ITPR2: variants seen among roughly 807,000 people sequenced by gnomAD.
The protein encoded by ITPR2 is inositol 1,4,5-trisphosphate-gated calcium channel ITPR2.
ITPR2 carries 207 observed loss-of-function variants against 317.1 expected under a neutral mutation model. The observed-to-expected ratio is 0.65, with a 90% confidence interval of 0.58 to 0.73. The LOEUF (loss-of-function observed/expected upper bound fraction) is 0.73, where lower values mean the gene tolerates loss of function less well. Among genes scored for constraint, ITPR2 ranks in the 30% least tolerant of loss-of-function variants. The pLI, the probability that ITPR2 is intolerant of heterozygous loss-of-function variation, is 0.00. For synonymous variants in ITPR2, 1,156 were observed against 1,149.1 expected (o/e 1.01, Z -0.12); for missense variants, 2,613 against 3,284.0 (o/e 0.80, Z 4.99).
chr12:26,559,574 C>G (rs932461167), intron 35 of ITPR2, among the ~76,000 whole-genome samples: 1 of 151,660 alleles, frequency 6.6e-6, no homozygotes, highest in Non-Finnish European at 1.5e-5. Context: ...AATACTATCC[C>G]CTTGGGGGTT....
At chr12:26,638,481 C>T (rs555116592) in intron 21 of ITPR2, among the ~76,000 whole-genome samples, 326 of 152,242 alleles carry the variant, frequency 2.1e-3, no homozygotes, top group Non-Finnish European at 3.8e-3. Flanking sequence ...CAAATTTCTC[C>T]CCAGCCCCAC....
At chr12:26,520,627 C>G (rs1943637800) in intron 37 of ITPR2, among the ~76,000 whole-genome samples, 1 of 152,174 alleles carries the variant, frequency 6.6e-6, no homozygotes, top group African/African-American at 2.4e-5. Context: ...GGGGTGAGAT[C>G]TGCTTCATGA....
chr12:26,369,495 A>G lies in ITPR2; in HGVS notation c.7857+17939T>C, dbSNP rs530275200. 5.3e-5 allele frequency among the ~76,000 whole-genome samples: 8 copies of G among 152,340 alleles called. No individual in the cohort carries two copies. In the South Asian group the frequency reaches 1.7e-3, roughly 32 times the overall value. On this transcript the variant is annotated intron_variant, in intron 55 of 56. Transcript: ENST00000381340. Reference sequence around the variant, plus strand: ...TTGATGGAATGAATGTACATCGTGTATAAGAGGGATAGAGGAATGAGAAGG... The same window carrying G: ...TTGATGGAATGAATGTACATCGTGTGTAAGAGGGATAGAGGAATGAGAAGG...
chr12:26,349,867 T>C (rs933096253), intron 55 of ITPR2, among the ~76,000 whole-genome samples: 1 of 152,204 alleles, frequency 6.6e-6, no homozygotes, highest in Non-Finnish European at 1.5e-5. Flanking sequence ...TCCATGAAAG[T>C]GCCCATGAAG....
rs1042208721 is a variant in ITPR2 at position 26,621,391 on chromosome 12, GAAGT to G, written c.3289-99_3289-96del. On this transcript the variant is annotated intron_variant, in intron 25 of 56. Transcript: ENST00000381340. ...TATATTGACCATGAAAACCTACCTA[GAAGT>G]AAGTGTGAACACTTAACCAGTATTT... is the stretch of plus-strand genomic sequence containing the variant. 2.6e-4 allele frequency: 231 copies of G among 880,468 alleles called. 1 individual carries two copies. The highest frequency in any genetic ancestry group is 2.7e-4 in the East Asian group (10 of 37,006). The allele number at this position is 880,468 out of a possible 1,614,324, so 54.5% of individuals were successfully genotyped here.
At chr12:26,758,966 A>G (rs912040466) in intron 2 of ITPR2, among the ~76,000 whole-genome samples, 1 of 152,248 alleles carries the variant, frequency 6.6e-6, no homozygotes, top group African/African-American at 2.4e-5. Context: ...ACTGAGATCA[A>G]GAGACCAAAC....
At chr12:26,724,304 A>T (rs1948884188) in intron 4 of ITPR2, among the ~76,000 whole-genome samples, 1 of 152,214 alleles carries the variant, frequency 6.6e-6, no homozygotes, top group Admixed American at 6.5e-5. Context: ...TTCTCTCTTC[A>T]CAAAATGAAA....
chr12:26,588,904 G>A (rs545158173), intron 32 of ITPR2, among the ~76,000 whole-genome samples: 1 of 152,288 alleles, frequency 6.6e-6, no homozygotes, highest in South Asian at 2.1e-4. Context: ...TCCTGACATT[G>A]ATAGCAAAAT....
chr12:26,763,399 C>A (rs187668943), intron 2 of ITPR2, among the ~76,000 whole-genome samples: 2 of 152,034 alleles, frequency 1.3e-5, no homozygotes, highest in East Asian at 1.9e-4. Context: ...AAAGGTATGA[C>A]TTTTTTTCCC....
At chr12:26,438,741 A>C (rs1941418159) in intron 47 of ITPR2, among the ~76,000 whole-genome samples, 2 of 152,226 alleles carry the variant, frequency 1.3e-5, no homozygotes, top group Non-Finnish European at 2.9e-5. Flanking sequence ...TCACAGGACA[A>C]CAGAGGAAGA....
Position 26,772,469 on chromosome 12 carries a change from AT to A in ITPR2, c.163+17687del, listed in dbSNP as rs1181868506. ...TATATATTATATATATAATACATGT[AT>A]TATATATAATATATATAATACATAT... On this transcript the variant is annotated intron_variant, in intron 2 of 56. Coordinates refer to ENST00000381340, the MANE Select transcript of ITPR2 (RefSeq NM_002223.4). Among the ~76,000 whole-genome samples, 358 of 47,082 alleles carry A rather than the reference AT, an allele frequency of 7.6e-3. 18 individuals carry two copies. The Admixed American group carries it at 0.086, about 11-fold the overall frequency. The allele number at this position is 47,082 out of a possible 152,430, so 30.9% of individuals were successfully genotyped here.
At chr12:26,514,676 T>A (rs922094170) in intron 37 of ITPR2, among the ~76,000 whole-genome samples, 2 of 152,230 alleles carry the variant, frequency 1.3e-5, no homozygotes, top group African/African-American at 4.8e-5. Context: ...TTCATTGCAT[T>A]TATTTTCTGC....
chr12:26,587,157 T>TGAAGCTAA lies in ITPR2; in HGVS notation c.4381-7003_4381-7002insTTAGCTTC, dbSNP rs1218924312. Among the ~76,000 whole-genome samples, 562 of 151,864 alleles carry TGAAGCTAA rather than the reference T, an allele frequency of 3.7e-3. 1 individual carries two copies. Among genetic ancestry groups the TGAAGCTAA allele is most frequent in the Admixed American group, 7.0e-3 (107 of 15,266 alleles). On this transcript the variant is annotated intron_variant, in intron 32 of 56. Transcript: ENST00000381340. ...AATATTTTTAGCTTCATATGACATT[T>TGAAGCTAA]ATTTATTTCACAAATATTTACTGAG... is the stretch of plus-strand genomic sequence containing the variant.
chr12:26,566,404 G>A (rs865794191), intron 34 of ITPR2, among the ~76,000 whole-genome samples: 57 of 140,654 alleles, frequency 4.1e-4, no homozygotes, highest in African/African-American at 1.4e-3. Context: ...AGAAGGAAAG[G>A]AGAAGAGAAG....
chr12:26,383,247 A>G (rs1456222300), intron 55 of ITPR2, among the ~76,000 whole-genome samples: 1 of 152,096 alleles, frequency 6.6e-6, no homozygotes, highest in East Asian at 1.9e-4. Flanking sequence ...TGCCAGTTCC[A>G]TGTTTGTACA....
chr12:26,539,615 G>A (rs543956954), intron 37 of ITPR2, among the ~76,000 whole-genome samples: 28 of 152,236 alleles, frequency 1.8e-4, no homozygotes, highest in East Asian at 7.7e-4. Context: ...AATCCCCCTT[G>A]GCTGAGCTCA....
At chr12:26,713,520 CA>C (rs1283571113) in intron 8 of ITPR2, among the ~76,000 whole-genome samples, 1 of 152,198 alleles carries the variant, frequency 6.6e-6, no homozygotes, top group Non-Finnish European at 1.5e-5. Flanking sequence ...AATTATTAAA[CA>C]ATTTATTCGC....
intron 45 of ITPR2, among the ~76,000 whole-genome samples, chr12:26,449,839 T>G (rs996352209): frequency 1.3e-5 from 2 of 152,132 alleles, no homozygotes; most frequent in Non-Finnish European, 2.9e-5. Context: ...TGGGCTGAAT[T>G]GTGTCCAAAT....
chr12:26,404,234 A>G (rs1234388247), intron 52 of ITPR2, among the ~76,000 whole-genome samples: 1 of 152,084 alleles, frequency 6.6e-6, no homozygotes, highest in African/African-American at 2.4e-5. Context: ...ATTAAATACA[A>G]CTCTGAGGCC....
Sources: allele counts gnomAD v4.1 joint callset (sites outside exome capture counted in the v4.1 genomes callset), GRCh38; gene constraint gnomAD v4.1.1; transcripts MANE v1.5; gene names NCBI Gene and HGNC (gene_info 2026-07-23, HGNC 2026-07-21).